Variants in FSTL5 observed in about 807,000 individuals in gnomAD.
FSTL5 encodes follistatin-related protein 5.
Under a neutral mutation model 89.1 loss-of-function variants are expected in FSTL5, and 62 were observed. The observed-to-expected ratio is 0.70, with a 90% CI of 0.57 to 0.86. The LOEUF is 0.86. FSTL5 is among the 40% of genes least tolerant of loss of function. The pLI is 0.00. For missense variants in FSTL5, 1,057 were observed against 1,001.6 expected (o/e 1.06, Z -0.75); for synonymous variants, 383 against 346.2 (o/e 1.11, Z -1.18).
rs564058720 is a variant in FSTL5 at position 161,717,685 on chromosome 4, CT to C, written c.727+41725del. ...AACTTTTATGTAAAAAAAACTCAAT[CT>C]TTTTTTGTTCTTAACATGAAGTTAT... On this transcript the variant is annotated intron_variant, in intron 6 of 15. Transcript: ENST00000306100. Among the ~76,000 whole-genome samples the C allele has an allele frequency of 2.0e-4, 31 of 152,144 alleles. No individual in the cohort carries two copies. In the East Asian group the frequency reaches 5.8e-3, roughly 28 times the overall value.
rs138391235 is a variant in FSTL5, at chr4:161,787,902, T to G, written c.410-11828A>C. 4.0e-4 allele frequency among the ~76,000 whole-genome samples: 61 copies of G among 152,306 alleles called. 1 individual carries two copies. The East Asian group carries it at 7.5e-3, about 19-fold the overall frequency. ...AGTTGCTTTTTCATTAATTTGCCTT[T>G]TCTCAAGTCACTTTTGTTGCAACTG... On this transcript the variant is annotated intron_variant, in intron 4 of 15. Coordinates refer to ENST00000306100, the MANE Select transcript of FSTL5 (RefSeq NM_020116.5).
intron 7 of FSTL5, among the ~76,000 whole-genome samples, chr4:161,648,771 T>C (rs1251054611): frequency 6.6e-6 from 1 of 152,192 alleles, no homozygotes; most frequent in Non-Finnish European, 1.5e-5. Flanking sequence ...ATGTAGGTTC[T>C]ATTAGCAATA....
chr4:161,652,641 T>C (rs1369687876), intron 7 of FSTL5, among the ~76,000 whole-genome samples: 1 of 151,920 alleles, frequency 6.6e-6, no homozygotes, highest in Admixed American at 6.6e-5. Flanking sequence ...CATTCAAGAA[T>C]TAAATAAAAA....
At chr4:161,736,839 G>A (rs1481711836) in intron 6 of FSTL5, among the ~76,000 whole-genome samples, 1 of 152,024 alleles carries the variant, frequency 6.6e-6, no homozygotes, top group Non-Finnish European at 1.5e-5. Context: ...GGGTGTGTGG[G>A]TGTGTGTTGA....
At chr4:161,528,969 A>G (rs4266250) in intron 10 of FSTL5, among the ~76,000 whole-genome samples, 123,974 of 142,028 alleles carry the variant, frequency 0.87, 56,754 homozygotes, top group Non-Finnish European at 0.92. Flanking sequence ...CATCATCATC[A>G]TCAACTTATC....
At chr4:161,507,417 TTATATC>T (rs1203618910) in intron 11 of FSTL5, among the ~76,000 whole-genome samples, 5 of 151,762 alleles carry the variant, frequency 3.3e-5, no homozygotes, top group African/African-American at 1.2e-4. Context: ...TTTAAATGTA[TTATATC>T]TATAATTTAA....
intron 6 of FSTL5, among the ~76,000 whole-genome samples, chr4:161,683,617 C>A (rs906314715): frequency 1.3e-5 from 2 of 151,856 alleles, no homozygotes; most frequent in East Asian, 1.9e-4. Flanking sequence ...TATATATGTA[C>A]AATAATTATA....
intron 7 of FSTL5, among the ~76,000 whole-genome samples, chr4:161,607,395 T>A (rs776184845): frequency 3.3e-5 from 5 of 152,148 alleles, no homozygotes; most frequent in Non-Finnish European, 5.9e-5. Flanking sequence ...CTGTGCTAAT[T>A]GCAACACATG....
Position 161,711,082 on chromosome 4 carries a change from A to T in FSTL5, c.727+48329T>A, listed in dbSNP as rs556938299. Among the ~76,000 whole-genome samples the T allele has an allele frequency of 1.5e-4, 23 of 152,296 alleles. No homozygotes were observed. The South Asian group carries it at 4.8e-3, about 32-fold the overall frequency. On this transcript the variant is annotated intron_variant, in intron 6 of 15. Coordinates refer to ENST00000306100, the MANE Select transcript of FSTL5 (RefSeq NM_020116.5). ...TTATATTTGTAAATGCTTATGAAAT[A>T]CATATTATCTATGTAATATTTTTAA...
chr4:161,807,037 G>A (rs1729990178), intron 4 of FSTL5, among the ~76,000 whole-genome samples: 1 of 152,052 alleles, frequency 6.6e-6, no homozygotes, highest in African/African-American at 2.4e-5. Context: ...CAACCAGAAA[G>A]GGGTGTGAGC....
intron 8 of FSTL5, among the ~76,000 whole-genome samples, chr4:161,552,306 T>C: frequency 6.6e-6 from 1 of 151,876 alleles, no homozygotes; most frequent in East Asian, 1.9e-4. Flanking sequence ...AAGACAAAGT[T>C]TATCTTGCCA....
At chr4:161,986,581 G>A (rs1409622236) in intron 3 of FSTL5, among the ~76,000 whole-genome samples, 2 of 152,050 alleles carry the variant, frequency 1.3e-5, no homozygotes, top group Non-Finnish European at 2.9e-5. Context: ...AGAGGAATAT[G>A]TATATGGATT....
chr4:161,867,091 G>A (rs1732115747), intron 4 of FSTL5, among the ~76,000 whole-genome samples: 1 of 151,964 alleles, frequency 6.6e-6, no homozygotes, highest in Non-Finnish European at 1.5e-5. Flanking sequence ...TATATTCAGA[G>A]CCTCAGTTCA....
intron 1 of FSTL5, among the ~76,000 whole-genome samples, chr4:162,153,961 A>C (rs929144588): frequency 6.6e-6 from 1 of 151,226 alleles, no homozygotes; most frequent in African/African-American, 2.4e-5. Context: ...GCCTGCCACC[A>C]TGCCCAGCTA....
chr4:161,385,880 C>A lies in FSTL5; in HGVS notation c.2411G>T (p.Gly804Val). The change falls in exon 16 of 16, where the codon GGC becomes GTC. Residue 804 changes from glycine to valine, a missense_variant. Coordinates refer to ENST00000306100, the MANE Select transcript of FSTL5 (RefSeq NM_020116.5). ...NRKNRQIQDS[G>V]LFGQYLMTPS... is the part of the protein sequence containing the mutation. ...TGTCATCAGGTATTGACCAAACAAG[C>A]CACTGTCCTGGATTTGCCTGTTTTT... 1 of 1,613,880 alleles carries A rather than the reference C, an allele frequency of 6.2e-7. No homozygotes were observed. The highest frequency in any genetic ancestry group is 8.5e-7 in the Non-Finnish European group (1 of 1,179,906).
At chr4:161,961,162 T>C (rs1224002424) in intron 3 of FSTL5, among the ~76,000 whole-genome samples, 2 of 152,102 alleles carry the variant, frequency 1.3e-5, no homozygotes, top group African/African-American at 2.4e-5. Context: ...TCACCCACAC[T>C]GGAGTGCAAT....
chr4:161,771,290 T>C (rs1026700146), intron 5 of FSTL5, among the ~76,000 whole-genome samples: 1 of 152,102 alleles, frequency 6.6e-6, no homozygotes, highest in African/African-American at 2.4e-5. Context: ...AGTGTACGTA[T>C]AAGTAACAAG....
chr4:162,112,202 C>T (rs1175536524), intron 1 of FSTL5, among the ~76,000 whole-genome samples: 1 of 152,110 alleles, frequency 6.6e-6, no homozygotes, highest in East Asian at 1.9e-4. Flanking sequence ...GCAGCTTTTT[C>T]TTCTGTCAAA....
intron 6 of FSTL5, among the ~76,000 whole-genome samples, chr4:161,715,083 A>G (rs1224535333): frequency 6.6e-6 from 1 of 152,158 alleles, no homozygotes; most frequent in Non-Finnish European, 1.5e-5. Context: ...TTATGAATCG[A>G]GCCAAAATTG....
Sources: gnomAD v4.1 joint callset for allele counts (sites outside exome capture counted in the v4.1 genomes callset) on GRCh38, gnomAD v4.1.1 for gene constraint, MANE v1.5 for transcripts, NCBI Gene and HGNC (gene_info 2026-07-23, HGNC 2026-07-21) for gene names.